Variants in BRI3BP observed in about 807,000 individuals in gnomAD.
BRI3BP encodes the protein BRI3 binding protein, also known as BRI3-binding protein.
Under a neutral mutation model 15.8 loss-of-function variants are expected in BRI3BP, and 7 were observed. The ratio of observed to expected loss-of-function variants is 0.44; its 90% confidence interval spans 0.25 to 0.83. The LOEUF is 0.83. Among genes scored for constraint, BRI3BP ranks in the 40% least tolerant of loss-of-function variants. The probability of loss-of-function intolerance (pLI) is 0.20; values close to 1 mark genes in which losing one functional copy is unlikely to be tolerated. For missense variants in BRI3BP, 320 were observed against 339.3 expected (o/e 0.94, Z 0.45); for synonymous variants, 192 against 163.5 (o/e 1.17, Z -1.33).
At chr12:124,998,766 G>T (rs6488969) in intron 1 of BRI3BP, among the ~76,000 whole-genome samples, 5,059 of 152,224 alleles carry the variant, frequency 0.033, 283 homozygotes, top group African/African-American at 0.11. Flanking sequence ...AACTTTATGT[G>T]TATATGACTA....
At chr12:125,047,627 C>T in the BRI3BP span, among the ~76,000 whole-genome samples, 2 of 152,154 alleles carry the variant, frequency 1.3e-5, no homozygotes, top group African/African-American at 2.4e-5. Context: ...CCGCCTGCCT[C>T]GGCCTCTTTA....
chr12:125,049,946 G>A, the BRI3BP span, among the ~76,000 whole-genome samples: 2 of 152,244 alleles, frequency 1.3e-5, no homozygotes, highest in Non-Finnish European at 2.9e-5. Flanking sequence ...GAGAGGACGC[G>A]TGTGCTGGCA....
downstream of BRI3BP, among the ~76,000 whole-genome samples, chr12:125,033,866 C>G (rs1056754837): frequency 1.3e-5 from 2 of 152,058 alleles, no homozygotes; most frequent in South Asian, 4.1e-4. Flanking sequence ...CCTCAGCCTC[C>G]CTAGTAGTTG....
rs1419903228 is a variant in BRI3BP, at chr12:125,024,982, G to A, written c.317-9G>A. ...GTAACGAGCCCTGTTCCTCTTTTCT[G>A]TCCCGCAGTCTCCAACCTGTCCCAG... On this transcript the variant is annotated splice_polypyrimidine_tract_variant and intron_variant, in intron 2 of 2. Coordinates refer to ENST00000341446, the MANE Select transcript of BRI3BP (RefSeq NM_080626.6). 28 of 1,607,050 alleles carry A rather than the reference G, an allele frequency of 1.7e-5. No homozygotes were observed. Among genetic ancestry groups the A allele is most frequent in the Non-Finnish European group, 2.4e-5 (28 of 1,175,630 alleles).
downstream of BRI3BP, among the ~76,000 whole-genome samples, chr12:125,033,944 A>G (rs1955424152): frequency 6.6e-6 from 1 of 151,796 alleles, no homozygotes. Context: ...GGGTTTCACA[A>G]TGTTGGCCAG....
intron 2 of BRI3BP, among the ~76,000 whole-genome samples, chr12:125,017,081 A>C (rs1156349641): frequency 1.3e-5 from 2 of 148,346 alleles, no homozygotes; most frequent in African/African-American, 5.0e-5. Context: ...GCAGTGGCCG[A>C]TCTCATCTCA....
chr12:124,994,255 G>A (rs750359530), intron 1 of BRI3BP, among the ~76,000 whole-genome samples: 29 of 151,954 alleles, frequency 1.9e-4, no homozygotes, highest in Non-Finnish European at 3.8e-4. Flanking sequence ...TTGCCTCCGC[G>A]GTCGGCGCAG....
chr12:125,006,705 CCT>C lies in BRI3BP; in HGVS notation c.214-5824_214-5823del, dbSNP rs147964731. The stretch of plus-strand genomic sequence containing the variant: ...GTCTTTACAGGTTCTGCTCTTGAAT[CCT>C]CTCTTAGTCCCATTTCTCCCACAGC... On this transcript the variant is annotated intron_variant, in intron 1 of 2. Transcript: ENST00000341446. Among the ~76,000 whole-genome samples the C allele has an allele frequency of 3.8e-3, 586 of 152,312 alleles. 4 individuals are homozygous for C. Among genetic ancestry groups the C allele is most frequent in the African/African-American group, 0.014 (571 of 41,562 alleles).
downstream of BRI3BP, among the ~76,000 whole-genome samples, chr12:125,034,824 G>A (rs534505150): frequency 9.9e-5 from 15 of 152,218 alleles, no homozygotes; most frequent in African/African-American, 3.4e-4. Flanking sequence ...TCCTGACCTT[G>A]TATTCTGCCC....
At chr12:125,046,560 G>A in the BRI3BP span, among the ~76,000 whole-genome samples, 4 of 152,024 alleles carry the variant, frequency 2.6e-5, no homozygotes, top group Admixed American at 6.6e-5. Flanking sequence ...GTGAGACTCC[G>A]TCTTGGAAAA....
chr12:125,019,623 A>G (rs866349108), intron 2 of BRI3BP, among the ~76,000 whole-genome samples: 1 of 124,408 alleles, frequency 8.0e-6, no homozygotes, highest in African/African-American at 3.2e-5. Context: ...TCTTATTAAC[A>G]TTAATTCCAC....
downstream of BRI3BP, among the ~76,000 whole-genome samples, chr12:125,033,748 T>G (rs1229068205): frequency 1.5e-5 from 2 of 136,198 alleles, no homozygotes; most frequent in Admixed American, 7.3e-5. Flanking sequence ...GGTTTTTTTT[T>G]GTTTTTTTTT....
chr12:125,045,505 TG>T, the BRI3BP span, among the ~76,000 whole-genome samples: 1 of 152,184 alleles, frequency 6.6e-6, no homozygotes, highest in Non-Finnish European at 1.5e-5. Context: ...GGCTAATTTT[TG>T]TATTTTTAGT....
chr12:125,048,561 C>T, the BRI3BP span, among the ~76,000 whole-genome samples: 1 of 136,392 alleles, frequency 7.3e-6, no homozygotes, highest in African/African-American at 2.8e-5. Flanking sequence ...GGGGTGGGGG[C>T]AGGGGGGAGG....
chr12:124,994,442 CT>C (rs1041874547), intron 1 of BRI3BP, among the ~76,000 whole-genome samples: 1 of 152,212 alleles, frequency 6.6e-6, no homozygotes, highest in African/African-American at 2.4e-5. Context: ...CCCACTTCCC[CT>C]GGGACCTTCT....
intron 1 of BRI3BP, among the ~76,000 whole-genome samples, chr12:124,994,578 C>T (rs1955025232): frequency 6.6e-6 from 1 of 152,152 alleles, no homozygotes. Context: ...CGGGGCCTTT[C>T]GCGTGGAGCC....
intron 1 of BRI3BP, among the ~76,000 whole-genome samples, chr12:124,996,904 G>A (rs1403398987): frequency 2.0e-5 from 3 of 151,532 alleles, no homozygotes; most frequent in Admixed American, 6.6e-5. Flanking sequence ...GATTACAGGC[G>A]TGTGTGCCAC....
At chr12:125,011,268 C>T (rs59134724) in intron 1 of BRI3BP, among the ~76,000 whole-genome samples, 21,548 of 151,934 alleles carry the variant, frequency 0.14, 1,917 homozygotes, top group South Asian at 0.32. Context: ...AGGGAAGGGG[C>T]GTGTTTTACT....
intron 2 of BRI3BP, among the ~76,000 whole-genome samples, chr12:125,023,460 T>C (rs1955318443): frequency 6.6e-6 from 1 of 152,200 alleles, no homozygotes; most frequent in South Asian, 2.1e-4. Context: ...GGTAGTTGTG[T>C]GCCCAGCCTG....
Sources: gnomAD v4.1 joint callset for allele counts (sites outside exome capture counted in the v4.1 genomes callset) on GRCh38, gnomAD v4.1.1 for gene constraint, MANE v1.5 for transcripts, NCBI Gene and HGNC (gene_info 2026-07-23, HGNC 2026-07-21) for gene names.